The following NETO2 variants were observed in gnomAD, a reference collection of about 807,000 sequenced individuals.
NETO2 encodes neuropilin and tolloid-like protein 2.
In NETO2, 28 loss-of-function variants were observed where a neutral mutation model predicts 62.5. That is an observed-to-expected ratio of 0.45 (90% confidence interval 0.33 to 0.61). The LOEUF (loss-of-function observed/expected upper bound fraction) is 0.61. NETO2 is among the 20% of genes least tolerant of loss of function. NETO2 has a pLI of 0.02. For synonymous variants in NETO2, 214 were observed against 219.1 expected (o/e 0.98, Z 0.21); for missense variants, 548 against 643.2 (o/e 0.85, Z 1.60).
At chr16:47,142,286 A>T (rs1365683021) in intron 1 of NETO2, among the ~76,000 whole-genome samples, 1 of 152,246 alleles carries the variant, frequency 6.6e-6, no homozygotes, top group Non-Finnish European at 1.5e-5. Context: ...AATATTCATC[A>T]GCTAGAAAGT....
At chr16:47,101,008 T>A (rs1963529556) in intron 7 of NETO2, among the ~76,000 whole-genome samples, 1 of 152,044 alleles carries the variant, frequency 6.6e-6, no homozygotes, top group African/African-American at 2.4e-5. Flanking sequence ...AAAAAGAAAA[T>A]TTCAGGCCAA....
chr16:47,122,978 A>G, intron 4 of NETO2, 66 bp from the exon 5 acceptor site: 2 of 1,446,670 alleles, frequency 1.4e-6, no homozygotes, highest in East Asian at 4.5e-5. Flanking sequence ...GATGTCTTAC[A>G]TTACATCTAA....
rs747647257 is a variant in NETO2, at chr16:47,128,552, T to G, written c.254A>C (p.Glu85Ala). 13 of 1,612,658 alleles carry G rather than the reference T, an allele frequency of 8.1e-6. No homozygotes were observed. Among genetic ancestry groups the G allele is most frequent in the Admixed American group, 3.3e-5 (2 of 59,984 alleles). ...ATAATAATGTTCATCAAAGGTCAACTCTATTCTTTGACGTGGAGCAGCTAG... is the reference window on the plus strand; with the variant it reads ...ATAATAATGTTCATCAAAGGTCAACGCTATTCTTTGACGTGGAGCAGCTAG... ...ILEAAPRQRI[E>A]LTFDEHYYIE... is the part of the protein sequence containing the mutation. The change falls in exon 4 of 9, where the codon GAG (glutamate) becomes GCG (alanine). Residue 85 changes from glutamate (E) to alanine (A), a missense_variant. Coordinates refer to ENST00000562435, the MANE Select transcript of NETO2 (RefSeq NM_018092.5).
intron 7 of NETO2, among the ~76,000 whole-genome samples, 195 bp downstream of exon 7, chr16:47,109,288 A>G (rs1004585605): frequency 3.9e-5 from 6 of 152,100 alleles, no homozygotes; most frequent in African/African-American, 1.4e-4. Flanking sequence ...GCAACAAATC[A>G]ACACCCCACC....
At chr16:47,119,318 A>C (rs1963990824) in intron 6 of NETO2, among the ~76,000 whole-genome samples, 1 of 151,642 alleles carries the variant, frequency 6.6e-6, no homozygotes, top group African/African-American at 2.4e-5. Context: ...CGCCCGGCTA[A>C]TTTTTTGTAC....
chr16:47,086,470 T>TA, intron 7 of NETO2, 131 bp from the exon 8 acceptor site: 2 of 622,930 alleles, frequency 3.2e-6, no homozygotes, highest in South Asian at 3.9e-5. Flanking sequence ...TCTGTACTAT[T>TA]CAAACAATAA....
At chr16:47,126,923 G>A (rs983735405) in intron 4 of NETO2, among the ~76,000 whole-genome samples, 1 of 152,086 alleles carries the variant, frequency 6.6e-6, no homozygotes, top group African/African-American at 2.4e-5. Context: ...TCCTACATAA[G>A]TACTAACAGG....
Position 47,143,832 on chromosome 16 carries a change from C to T in NETO2, c.-220G>A, listed in dbSNP as rs1186401482. 2.2e-6 allele frequency: 1 copy of T among 463,434 alleles called. No homozygotes were observed. The highest frequency in any genetic ancestry group is 3.2e-6 in the Non-Finnish European group (1 of 310,264). The allele number at this position is 463,434 out of a possible 1,614,324, so 28.7% of individuals were successfully genotyped here. A position where few individuals can be genotyped will look rare whatever the true frequency, so the allele number is the denominator to read the frequency against. On this transcript the variant is annotated 5_prime_UTR_variant, in exon 1 of 9. Transcript: ENST00000562435. ...CCGAGCACCCCGACGGGCGCCGCCT[C>T]CTGCTCCGCGGCGCCCCGTCCCATC...
intron 6 of NETO2, among the ~76,000 whole-genome samples, chr16:47,115,471 G>C (rs2143928969): frequency 6.6e-6 from 1 of 150,760 alleles, no homozygotes; most frequent in African/African-American, 2.4e-5. Context: ...TATTTTAAAT[G>C]GTACTGTTTT....
At chr16:47,123,198 A>G (rs1486585661) in intron 4 of NETO2, among the ~76,000 whole-genome samples, 5 of 152,254 alleles carry the variant, frequency 3.3e-5, no homozygotes, top group African/African-American at 1.2e-4. Context: ...ACAATATACC[A>G]GAATATTATT....
intron 7 of NETO2, among the ~76,000 whole-genome samples, chr16:47,100,674 C>A (rs1963521119): frequency 6.6e-6 from 1 of 152,134 alleles, no homozygotes; most frequent in Admixed American, 6.6e-5. Context: ...ACTATAAACA[C>A]CTCTACGCAA....
Position 47,123,325 on chromosome 16 carries a change from C to T in NETO2, c.482-413G>A, listed in dbSNP as rs75900787. On this transcript the variant is annotated intron_variant, in intron 4 of 8. Transcript: ENST00000562435. Reference sequence around the variant, plus strand: ...CATAATACTGTGAATGTACTTAACGCCACTGAATTACACACTTAAAAATGG... The same window carrying T: ...CATAATACTGTGAATGTACTTAACGTCACTGAATTACACACTTAAAAATGG... Among the ~76,000 whole-genome samples, 521 of 152,202 alleles carry T rather than the reference C, an allele frequency of 3.4e-3. 3 individuals carry two copies. The highest frequency in any genetic ancestry group is 0.01 in the Middle Eastern group (3 of 294).
At chr16:47,114,842 T>C (rs1275732518) in intron 6 of NETO2, among the ~76,000 whole-genome samples, 2 of 152,158 alleles carry the variant, frequency 1.3e-5, no homozygotes, top group Non-Finnish European at 2.9e-5. Flanking sequence ...CTCCTCTAAA[T>C]GTTTTATAAT....
chr16:47,089,813 C>T (rs7188942), intron 7 of NETO2, among the ~76,000 whole-genome samples: 20,560 of 152,164 alleles, frequency 0.14, 3,119 homozygotes, highest in African/African-American at 0.38. Context: ...CCGAAAAATA[C>T]TAAAAAACGG....
chr16:47,083,195 G>T lies in NETO2; in HGVS notation c.*26C>A, dbSNP rs1430668035. 4 of 1,578,322 alleles carry T rather than the reference G, an allele frequency of 2.5e-6. No homozygotes were observed. The highest frequency in any genetic ancestry group is 1.7e-5 in the Admixed American group (1 of 57,608). On this transcript the variant is annotated 3_prime_UTR_variant, in exon 9 of 9. Transcript: ENST00000562435. The stretch of plus-strand genomic sequence containing the variant: ...GAGGCTGCGTACGTACACACCCTAA[G>T]AATTCACATCACCATTAGCAGAAGA...
intron 7 of NETO2, among the ~76,000 whole-genome samples, chr16:47,107,542 G>A (rs774577293): frequency 6.6e-6 from 1 of 152,200 alleles, no homozygotes; most frequent in South Asian, 2.1e-4. Context: ...CAGATAATTA[G>A]TCAGGTTTCT....
chr16:47,122,996 T>C (rs1964073466), intron 4 of NETO2, 84 bp from the exon 5 acceptor site: 3 of 1,315,264 alleles, frequency 2.3e-6, no homozygotes, highest in Admixed American at 2.0e-5. Context: ...TAACGTTCCA[T>C]TTCATAGCAA....
At chr16:47,137,366 G>A (rs1364606488) in intron 1 of NETO2, among the ~76,000 whole-genome samples, 2 of 152,140 alleles carry the variant, frequency 1.3e-5, no homozygotes, top group African/African-American at 4.8e-5. Context: ...CTGGAGCTGG[G>A]ACCACACTGT....
intron 8 of NETO2, among the ~76,000 whole-genome samples, chr16:47,084,738 G>A (rs1427001519): frequency 6.6e-6 from 1 of 152,148 alleles, no homozygotes; most frequent in Non-Finnish European, 1.5e-5. Context: ...GCATGTGAGG[G>A]ATATAGGCTG....
Sources: allele counts gnomAD v4.1 joint callset (sites outside exome capture counted in the v4.1 genomes callset), GRCh38; gene constraint gnomAD v4.1.1; transcripts MANE v1.5; gene names NCBI Gene and HGNC (gene_info 2026-07-23, HGNC 2026-07-21).